The following PKNOX2 variants were observed in gnomAD, a reference collection of about 807,000 sequenced individuals.
The protein encoded by PKNOX2 is PBX/knotted 1 homeobox 2, also known as homeobox protein PKNOX2.
In PKNOX2, 14 loss-of-function variants were observed where a neutral mutation model predicts 53.1. The observed-to-expected ratio is 0.26, with a 90% CI of 0.17 to 0.41. The LOEUF is 0.41. Among genes scored for constraint, PKNOX2 ranks in the 10% least tolerant of loss-of-function variants. The pLI is 1.00. For missense variants in PKNOX2, 496 were observed against 602.8 expected, an observed-to-expected ratio of 0.82 and a Z score of 1.85; for synonymous variants, 257 against 242.8, an observed-to-expected ratio of 1.06 and a Z score of -0.54.
chr11:125,306,601 G>C (rs183510092), intron 2 of PKNOX2, among the ~76,000 whole-genome samples: 2 of 152,224 alleles, frequency 1.3e-5, no homozygotes, highest in African/African-American at 4.8e-5. Flanking sequence ...CAGTTATTGT[G>C]AGATAATGGT....
Position 125,346,918 on chromosome 11 carries a change from T to A in PKNOX2, c.-22-4366T>A, listed in dbSNP as rs539920455. Among the ~76,000 whole-genome samples, 10 of 152,128 alleles carry A rather than the reference T, an allele frequency of 6.6e-5. No homozygotes were observed. The East Asian group carries it at 1.9e-3, about 29-fold the overall frequency. On this transcript the variant is annotated intron_variant, in intron 3 of 12. Coordinates refer to ENST00000298282, the MANE Select transcript of PKNOX2 (RefSeq NM_001382323.2). ...TATCCCTCTCTCTGAACTCCAGCAC[T>A]CTTCAGATGAACGGGGCTCTGGGCC...
At chr11:125,425,724 T>C (rs1041609609) in intron 10 of PKNOX2, among the ~76,000 whole-genome samples, 2 of 152,230 alleles carry the variant, frequency 1.3e-5, no homozygotes, top group South Asian at 2.1e-4. Context: ...GACCCAATCA[T>C]GGTCTGTCCA....
rs1315426557 is a variant in PKNOX2, at chr11:125,370,824, A to T, written c.227+2839A>T. Among the ~76,000 whole-genome samples the T allele has an allele frequency of 6.6e-6, 1 of 152,220 alleles. No homozygotes were observed. Among genetic ancestry groups the T allele is most frequent in the Non-Finnish European group, 1.5e-5 (1 of 68,024 alleles). ...GGGCAGCCTGGCTGCTCCAAAGCAC[A>T]TCAGGGAGTCGGCATTTTATGTCAA... is the stretch of plus-strand genomic sequence containing the variant. On this transcript the variant is annotated intron_variant, in intron 5 of 12. Transcript: ENST00000298282. This position sits in a 1 kb window ranked among gnomAD's most constrained non-coding sequence, Gnocchi z 4.1.
At chr11:125,325,309 G>A (rs140165956) in intron 2 of PKNOX2, among the ~76,000 whole-genome samples, 72 of 152,288 alleles carry the variant, frequency 4.7e-4, no homozygotes, top group African/African-American at 1.7e-3. Context: ...TGCAGGTGAG[G>A]AATACAGAGT....
chr11:125,367,242 G>A (rs1214630747), intron 4 of PKNOX2, among the ~76,000 whole-genome samples: 2 of 152,218 alleles, frequency 1.3e-5, no homozygotes, highest in African/African-American at 2.4e-5. Flanking sequence ...ACGTGTCACA[G>A]ATTATGAAAT....
chr11:125,283,701 A>G (rs1762419004), intron 2 of PKNOX2, among the ~76,000 whole-genome samples: 1 of 152,214 alleles, frequency 6.6e-6, no homozygotes, highest in Admixed American at 6.5e-5. Context: ...TGTCACTTAA[A>G]AAGAAAACTT....
At chr11:125,258,618 C>A in intron 2 of PKNOX2, 1 of 165,876 alleles carries the variant, frequency 6.0e-6, no homozygotes, top group Non-Finnish European at 1.3e-5. Context: ...ATTATAAATC[C>A]TAATGAATAT....
chr11:125,275,371 G>T (rs1187583877), intron 2 of PKNOX2, among the ~76,000 whole-genome samples: 1 of 152,168 alleles, frequency 6.6e-6, no homozygotes, highest in Non-Finnish European at 1.5e-5. Flanking sequence ...AGACAAGACG[G>T]AGGATGAAGA....
chr11:125,371,762 C>T (rs767216932), intron 5 of PKNOX2, among the ~76,000 whole-genome samples: 9 of 151,958 alleles, frequency 5.9e-5, no homozygotes, highest in Non-Finnish European at 8.8e-5. Context: ...AAAGTTGTTG[C>T]CCATTACTGA....
intron 12 of PKNOX2, among the ~76,000 whole-genome samples, chr11:125,430,950 C>G (rs1379938251): frequency 6.6e-6 from 1 of 152,194 alleles, no homozygotes; most frequent in Non-Finnish European, 1.5e-5. Flanking sequence ...TGAACGGTGG[C>G]TGGGAGTGCT....
intron 7 of PKNOX2, among the ~76,000 whole-genome samples, chr11:125,403,830 A>G (rs1165368493): frequency 6.6e-6 from 1 of 152,170 alleles, no homozygotes; most frequent in African/African-American, 2.4e-5. Flanking sequence ...GGAAGTAGGG[A>G]AATGAGAGGT....
chr11:125,347,382 C>A (rs1317682467), intron 3 of PKNOX2, among the ~76,000 whole-genome samples: 6 of 152,244 alleles, frequency 3.9e-5, no homozygotes, highest in Admixed American at 3.9e-4. Context: ...AGCATTAACC[C>A]CTTTGTGCCC....
chr11:125,355,904 C>T (rs762218973), intron 4 of PKNOX2, among the ~76,000 whole-genome samples: 12 of 152,082 alleles, frequency 7.9e-5, no homozygotes, highest in Non-Finnish European at 1.2e-4. Flanking sequence ...CAACATCACC[C>T]GCCAAGCGAA....
intron 1 of PKNOX2, among the ~76,000 whole-genome samples, chr11:125,172,643 C>T (rs1306759049): frequency 6.6e-6 from 1 of 152,186 alleles, no homozygotes; most frequent in Non-Finnish European, 1.5e-5. Flanking sequence ...GGAGCTTGAA[C>T]TTGCTCTCAG....
chr11:125,277,138 G>T (rs1053424847), intron 2 of PKNOX2, among the ~76,000 whole-genome samples: 1 of 152,202 alleles, frequency 6.6e-6, no homozygotes, highest in South Asian at 2.1e-4. Flanking sequence ...AAAGTGGGAA[G>T]TTGGCAATGT....
At position 125,299,251 on chromosome 11, in the gene PKNOX2, C is replaced by T. The variant is rs947082329; in HGVS notation, c.-129-32568C>T. 5.3e-5 allele frequency among the ~76,000 whole-genome samples: 8 copies of T among 152,288 alleles called. No individual in the cohort carries two copies. In the East Asian group the frequency reaches 5.8e-4, roughly 11 times the overall value. On this transcript the variant is annotated intron_variant, in intron 2 of 12. Coordinates refer to ENST00000298282, the MANE Select transcript of PKNOX2 (RefSeq NM_001382323.2). ...GCCGTTCATGAGGAACCCACCTCCA[C>T]GATCTGAACACCTCCCGCCCAGCCC...
intron 2 of PKNOX2, among the ~76,000 whole-genome samples, chr11:125,286,705 T>G (rs1000580671): frequency 1.3e-5 from 2 of 152,250 alleles, no homozygotes; most frequent in Non-Finnish European, 1.5e-5. Context: ...ATTTGCAGCC[T>G]GTTCTTCCTC....
intron 2 of PKNOX2, among the ~76,000 whole-genome samples, chr11:125,264,547 G>A (rs542174060): frequency 6.8e-4 from 103 of 152,234 alleles, no homozygotes; most frequent in African/African-American, 2.4e-3. Context: ...TCCCTGCTAA[G>A]ACCTGGGAGG....
At chr11:125,425,287 G>C (rs1186563373) in intron 10 of PKNOX2, among the ~76,000 whole-genome samples, 3 of 152,232 alleles carry the variant, frequency 2.0e-5, no homozygotes, top group Admixed American at 1.3e-4. Flanking sequence ...CATCTCTGAA[G>C]GTCCTTTACT....
Sources: allele counts gnomAD v4.1 joint callset (sites outside exome capture counted in the v4.1 genomes callset), GRCh38; gene constraint gnomAD v4.1.1; non-coding constraint Gnocchi (gnomAD v3.1); transcripts MANE v1.5; gene names NCBI Gene and HGNC (gene_info 2026-07-23, HGNC 2026-07-21).